NALF1: variants seen among roughly 807,000 people sequenced by gnomAD.
NALF1 encodes NALCN channel auxiliary factor 1, also known as family with sequence similarity 155 member A.
Under a neutral mutation model 48.4 loss-of-function variants are expected in NALF1, and 3 were observed. The observed-to-expected ratio is 0.06, with a 90% confidence interval of 0.03 to 0.16. The LOEUF is 0.16. NALF1 is among the 10% of genes least tolerant of loss of function. The probability of loss-of-function intolerance (pLI) is 1.00; values close to 1 mark genes in which losing one functional copy is unlikely to be tolerated. For missense variants in NALF1, 526 were observed against 571.5 expected, an observed-to-expected ratio of 0.92 and a Z score of 0.81; for synonymous variants, 262 against 245.7, an observed-to-expected ratio of 1.07 and a Z score of -0.62.
chr13:107,829,934 T>C (rs1879662299), intron 1 of NALF1, among the ~76,000 whole-genome samples: 1 of 152,206 alleles, frequency 6.6e-6, no homozygotes, highest in African/African-American at 2.4e-5. Context: ...TGAAAGGATA[T>C]TGATGTCACA....
intron 1 of NALF1, among the ~76,000 whole-genome samples, chr13:107,587,997 T>A (rs1038214554): frequency 6.6e-6 from 1 of 152,126 alleles, no homozygotes; most frequent in African/African-American, 2.4e-5. Context: ...CTTATGAATA[T>A]TCTCTTGCTT....
At chr13:107,383,883 A>C (rs1883481893) in intron 1 of NALF1, among the ~76,000 whole-genome samples, 1 of 152,212 alleles carries the variant, frequency 6.6e-6, no homozygotes, top group Non-Finnish European at 1.5e-5. Flanking sequence ...TGGCTAGTCC[A>C]TTTCTAATGC....
chr13:107,724,398 AT>A (rs1364115755), intron 1 of NALF1, among the ~76,000 whole-genome samples: 1 of 152,206 alleles, frequency 6.6e-6, no homozygotes. Context: ...TTTTTATCTT[AT>A]TTCTTTTTAA....
intron 1 of NALF1, among the ~76,000 whole-genome samples, chr13:107,559,774 G>A (rs1021741168): frequency 6.6e-6 from 1 of 152,134 alleles, no homozygotes; most frequent in African/African-American, 2.4e-5. Flanking sequence ...CCCAGTCCGA[G>A]TTTAAAAGTC....
intron 2 of NALF1, among the ~76,000 whole-genome samples, chr13:107,193,081 T>C (rs1240689131): frequency 6.6e-6 from 1 of 152,144 alleles, no homozygotes. Context: ...TGAAAGCATA[T>C]TTAATGGTTT....
At chr13:107,697,468 C>T (rs919719654) in intron 1 of NALF1, among the ~76,000 whole-genome samples, 1 of 152,072 alleles carries the variant, frequency 6.6e-6, no homozygotes, top group African/African-American at 2.4e-5. Flanking sequence ...TGTTCTAAAA[C>T]TTGATTGGTA....
chr13:107,381,717 G>A (rs1241867008), intron 1 of NALF1, among the ~76,000 whole-genome samples: 1 of 152,132 alleles, frequency 6.6e-6, no homozygotes, highest in Non-Finnish European at 1.5e-5. Context: ...ATGCCTGGGG[G>A]CACCAGGAGA....
rs1879169542 is a variant in NALF1, at chr13:107,186,255, C to T, written c.1088-15469G>A. Among the ~76,000 whole-genome samples, 9 of 152,306 alleles carry T rather than the reference C, an allele frequency of 5.9e-5. No individual in the cohort carries two copies. In the South Asian group the frequency reaches 1.9e-3, roughly 32 times the overall value. ...ATCCCACACAGATGAGAGGGGACTA[C>T]TGTATCTGTGAACTGCCTGTTCAAG... On this transcript the variant is annotated intron_variant, in intron 2 of 2. Coordinates refer to ENST00000375915, the MANE Select transcript of NALF1 (RefSeq NM_001080396.3).
In NALF1 at chr13:107,224,861, C is replaced by T. The variant is rs1452006801; in HGVS notation, c.916-14106G>A. On this transcript the variant is annotated intron_variant, in intron 1 of 2. Transcript: ENST00000375915. ...CTTAGGTAAATGAGAGTCTCCACAG[C>T]TAATAATTTGATATTTTTAATGATT... 2.0e-5 allele frequency among the ~76,000 whole-genome samples: 3 copies of T among 152,038 alleles called. No individual in the cohort carries two copies. The East Asian group carries it at 5.8e-4, about 29-fold the overall frequency.
At chr13:107,421,056 A>G (rs1884177114) in intron 1 of NALF1, among the ~76,000 whole-genome samples, 1 of 152,196 alleles carries the variant, frequency 6.6e-6, no homozygotes, top group Non-Finnish European at 1.5e-5. Flanking sequence ...TCATCAGTAT[A>G]TTATGCTACA....
chr13:107,716,287 T>C (rs1171192526), intron 1 of NALF1, among the ~76,000 whole-genome samples: 2 of 152,188 alleles, frequency 1.3e-5, no homozygotes, highest in South Asian at 2.1e-4. Context: ...TCGAGAGCAG[T>C]GCTCCCTGAT....
chr13:107,367,690 C>A (rs921830956), intron 1 of NALF1, among the ~76,000 whole-genome samples: 2 of 152,084 alleles, frequency 1.3e-5, no homozygotes, highest in Non-Finnish European at 2.9e-5. Flanking sequence ...GTACTGATGC[C>A]CCTTGTGCAA....
chr13:107,854,562 C>A lies in NALF1; in HGVS notation c.915+11120G>T, dbSNP rs538347995. 8.5e-5 allele frequency among the ~76,000 whole-genome samples: 13 copies of A among 152,302 alleles called. No individual in the cohort carries two copies. The South Asian group carries it at 2.5e-3, about 29-fold the overall frequency. On this transcript the variant is annotated intron_variant, in intron 1 of 2. Coordinates refer to ENST00000375915, the MANE Select transcript of NALF1 (RefSeq NM_001080396.3). ...GTGATTCCTGAGGTTAAATTTATTA[C>A]CCATGCCTTTTTAAAAAGACCTATT...
At chr13:107,486,599 C>T (rs1472177627) in intron 1 of NALF1, among the ~76,000 whole-genome samples, 1 of 152,150 alleles carries the variant, frequency 6.6e-6, no homozygotes, top group Non-Finnish European at 1.5e-5. Context: ...AACCTTGCTG[C>T]TCTCACATGG....
chr13:107,732,693 A>C (rs1005737785), intron 1 of NALF1, among the ~76,000 whole-genome samples: 2 of 152,192 alleles, frequency 1.3e-5, no homozygotes, highest in African/African-American at 4.8e-5. Flanking sequence ...AGACAGGTGA[A>C]TCTGTGAATC....
At chr13:107,659,387 G>A (rs932506325) in intron 1 of NALF1, among the ~76,000 whole-genome samples, 4 of 152,016 alleles carry the variant, frequency 2.6e-5, no homozygotes, top group African/African-American at 9.7e-5. Context: ...CAAGTAGCAT[G>A]TCTTCCACAT....
intron 1 of NALF1, among the ~76,000 whole-genome samples, chr13:107,436,811 T>A (rs1384485874): frequency 6.6e-6 from 1 of 152,138 alleles, no homozygotes; most frequent in Admixed American, 6.5e-5. Flanking sequence ...ACATGATTGT[T>A]TATGTAGAAA....
intron 1 of NALF1, among the ~76,000 whole-genome samples, chr13:107,847,786 A>G (rs1417068716): frequency 6.6e-6 from 1 of 152,192 alleles, no homozygotes; most frequent in Non-Finnish European, 1.5e-5. Context: ...TGCTGAGGAC[A>G]CAGCTAAGCT....
intron 1 of NALF1, among the ~76,000 whole-genome samples, chr13:107,423,644 G>A (rs996604481): frequency 6.6e-6 from 1 of 152,140 alleles, no homozygotes; most frequent in African/African-American, 2.4e-5. Context: ...CAGAGAAGAT[G>A]TGTGACTAAA....
Sources: gnomAD v4.1 joint callset for allele counts (sites outside exome capture counted in the v4.1 genomes callset) on GRCh38, gnomAD v4.1.1 for gene constraint, MANE v1.5 for transcripts, NCBI Gene and HGNC (gene_info 2026-07-23, HGNC 2026-07-21) for gene names.